PPP2R2B: variants seen among roughly 807,000 people sequenced by gnomAD.
The protein encoded by PPP2R2B is protein phosphatase 2 regulatory subunit Bbeta, also known as serine/threonine-protein phosphatase 2A 55 kDa regulatory subunit B beta isoform.
A neutral mutation model predicts 46.0 loss-of-function variants in PPP2R2B; 5 were observed. The ratio of observed to expected loss-of-function variants is 0.11; its 90% CI spans 0.06 to 0.23. PPP2R2B has a LOEUF of 0.23. Among genes scored for constraint, PPP2R2B ranks in the 10% least tolerant of loss-of-function variants. The pLI, the probability that PPP2R2B is intolerant of heterozygous loss-of-function variation, is 1.00. For missense variants in PPP2R2B, 367 were observed against 575.0 expected, an observed-to-expected ratio of 0.64 and a Z score of 3.70; for synonymous variants, 215 against 206.7, an observed-to-expected ratio of 1.04 and a Z score of -0.34.
At chr5:146,852,306 C>T (rs1204811067) in intron 2 of PPP2R2B, among the ~76,000 whole-genome samples, 2 of 152,122 alleles carry the variant, frequency 1.3e-5, no homozygotes, top group African/African-American at 4.8e-5. Flanking sequence ...TGACAAAGCC[C>T]TCTGTTTACA....
intron 2 of PPP2R2B, among the ~76,000 whole-genome samples, chr5:146,724,923 G>A (rs753230379): frequency 2.0e-5 from 3 of 152,082 alleles, no homozygotes; most frequent in East Asian, 1.9e-4. Flanking sequence ...GGAGAACACC[G>A]CTCAATAGGG....
chr5:146,856,672 C>T (rs1414999564), intron 2 of PPP2R2B: 10 of 863,322 alleles, frequency 1.2e-5, no homozygotes, highest in African/African-American at 1.7e-5. Flanking sequence ...ACATACTTTC[C>T]ACATACCCCC....
At chr5:146,988,973 A>G (rs529047473) in intron 1 of PPP2R2B, among the ~76,000 whole-genome samples, 55 of 152,120 alleles carry the variant, frequency 3.6e-4, no homozygotes, top group African/African-American at 1.2e-3. Flanking sequence ...ACTATGAACA[A>G]CTACACGTAA....
intron 1 of PPP2R2B, among the ~76,000 whole-genome samples, chr5:147,044,297 G>A (rs1037123976): frequency 6.6e-6 from 1 of 152,110 alleles, no homozygotes; most frequent in African/African-American, 2.4e-5. Flanking sequence ...AAGTAGAATG[G>A]CCAGGTTTGA....
At chr5:146,868,777 A>C (rs1254493003) in intron 2 of PPP2R2B, among the ~76,000 whole-genome samples, 1 of 152,180 alleles carries the variant, frequency 6.6e-6, no homozygotes, top group Non-Finnish European at 1.5e-5. Context: ...TTCCCTATCA[A>C]CATCATAACT....
At chr5:146,755,533 G>A (rs1024492122) in intron 2 of PPP2R2B, among the ~76,000 whole-genome samples, 1 of 152,040 alleles carries the variant, frequency 6.6e-6, no homozygotes, top group African/African-American at 2.4e-5. Context: ...TATTAAAGCA[G>A]GTCAAAGAGA....
chr5:146,930,467 A>T (rs567950942), intron 1 of PPP2R2B, among the ~76,000 whole-genome samples: 1 of 152,304 alleles, frequency 6.6e-6, no homozygotes, highest in South Asian at 2.1e-4. Flanking sequence ...GGGGGAAAGA[A>T]GAGAGGCCCT....
At chr5:147,005,143 A>C (rs964854181) in intron 1 of PPP2R2B, among the ~76,000 whole-genome samples, 5 of 152,198 alleles carry the variant, frequency 3.3e-5, no homozygotes, top group African/African-American at 9.6e-5. Flanking sequence ...ATGGGGAACC[A>C]ATCAAGCATG....
chr5:146,639,392 T>A (rs980545487), intron 6 of PPP2R2B, among the ~76,000 whole-genome samples: 3 of 152,122 alleles, frequency 2.0e-5, no homozygotes, highest in African/African-American at 7.2e-5. Flanking sequence ...AAAGACCATA[T>A]CCTTGTATAT....
intron 1 of PPP2R2B, among the ~76,000 whole-genome samples, chr5:146,916,371 A>G (rs1381699346): frequency 6.6e-6 from 1 of 152,056 alleles, no homozygotes; most frequent in Non-Finnish European, 1.5e-5. Context: ...ATTTAATCAA[A>G]TGATTTCAAG....
intron 2 of PPP2R2B, among the ~76,000 whole-genome samples, chr5:146,810,700 C>T (rs1757479028): frequency 6.6e-6 from 1 of 151,838 alleles, no homozygotes; most frequent in Admixed American, 6.6e-5. Flanking sequence ...CTCTATGGCT[C>T]CTGTCTTTTT....
At chr5:147,027,462 G>A (rs367788638) in intron 1 of PPP2R2B, among the ~76,000 whole-genome samples, 4 of 151,870 alleles carry the variant, frequency 2.6e-5, no homozygotes, top group Non-Finnish European at 4.4e-5. Flanking sequence ...GTGACACCTC[G>A]TCTCTACTAA....
At chr5:146,694,071 C>T (rs1779036757) in intron 4 of PPP2R2B, among the ~76,000 whole-genome samples, 1 of 152,182 alleles carries the variant, frequency 6.6e-6, no homozygotes, top group East Asian at 1.9e-4. Context: ...ATCACAGTAC[C>T]ATTCGCCTTG....
intron 1 of PPP2R2B, among the ~76,000 whole-genome samples, chr5:146,987,678 T>C (rs149681637): frequency 5.9e-5 from 9 of 151,402 alleles, no homozygotes; most frequent in South Asian, 2.1e-4. Context: ...CCAGACAAAA[T>C]AAACCCAAAA....
chr5:147,045,251 G>A (rs1756493109), intron 1 of PPP2R2B, among the ~76,000 whole-genome samples: 1 of 152,126 alleles, frequency 6.6e-6, no homozygotes, highest in Non-Finnish European at 1.5e-5. Flanking sequence ...TGACATTTTG[G>A]TCAATAATCA....
intron 2 of PPP2R2B, among the ~76,000 whole-genome samples, chr5:146,762,621 C>T (rs1418920632): frequency 6.6e-6 from 1 of 152,190 alleles, no homozygotes; most frequent in Non-Finnish European, 1.5e-5. Flanking sequence ...CCATTCTATT[C>T]ATCTCCATAT....
intron 5 of PPP2R2B, among the ~76,000 whole-genome samples, chr5:146,670,010 C>G (rs1777243483): frequency 6.6e-6 from 1 of 152,130 alleles, no homozygotes; most frequent in South Asian, 2.1e-4. Flanking sequence ...AACTCAATGT[C>G]AGAATCATAA....
intron 2 of PPP2R2B, among the ~76,000 whole-genome samples, chr5:146,813,928 C>T (rs930214): frequency 0.19 from 29,225 of 151,982 alleles, 3,162 homozygotes; most frequent in East Asian, 0.43. Flanking sequence ...CAGGAAGTGG[C>T]AAGAACAGAG....
At chr5:146,999,467 C>T (rs1156979779) in intron 1 of PPP2R2B, among the ~76,000 whole-genome samples, 2 of 152,144 alleles carry the variant, frequency 1.3e-5, no homozygotes, top group Admixed American at 6.5e-5. Context: ...GGCCTATCCC[C>T]AGAGATTCTG....
Sources: gnomAD v4.1 joint callset for allele counts (sites outside exome capture counted in the v4.1 genomes callset) on GRCh38, gnomAD v4.1.1 for gene constraint, MANE v1.5 for transcripts, NCBI Gene and HGNC (gene_info 2026-07-23, HGNC 2026-07-21) for gene names.